The following ERCC6L2 variants were observed in gnomAD, a reference collection of about 807,000 sequenced individuals.
ERCC6L2 encodes ERCC excision repair 6 like 2.
Under a neutral mutation model 132.0 loss-of-function variants are expected in ERCC6L2, and 77 were observed. That is an observed-to-expected ratio of 0.58 (90% CI 0.49 to 0.71). The LOEUF (loss-of-function observed/expected upper bound fraction) is 0.71, where lower values mean the gene tolerates loss of function less well. ERCC6L2 is among the 30% of genes least tolerant of loss of function. The pLI is 0.00. For missense variants in ERCC6L2, 1,542 were observed against 1,837.6 expected, an observed-to-expected ratio of 0.84 and a Z score of 2.94; for synonymous variants, 583 against 632.4, an observed-to-expected ratio of 0.92 and a Z score of 1.17.
intron 3 of ERCC6L2, among the ~76,000 whole-genome samples, chr9:95,900,071 A>G (rs911558421): frequency 6.6e-6 from 1 of 152,012 alleles, no homozygotes; most frequent in African/African-American, 2.4e-5. Context: ...TTGTATTCTA[A>G]TAAATTACCT....
At chr9:95,899,126 T>G (rs1291483132) in intron 3 of ERCC6L2, among the ~76,000 whole-genome samples, 1 of 151,982 alleles carries the variant, frequency 6.6e-6, no homozygotes, top group African/African-American at 2.4e-5. Flanking sequence ...TTAAATATAT[T>G]AAAATACTTA....
chr9:95,961,152 C>CCTTCTTGA (rs1831881825), intron 13 of ERCC6L2, among the ~76,000 whole-genome samples: 1 of 152,174 alleles, frequency 6.6e-6, no homozygotes, highest in East Asian at 1.9e-4. Flanking sequence ...AAGTCCTAAC[C>CCTTCTTGA]CTTGGTACCT....
intron 17 of ERCC6L2, among the ~76,000 whole-genome samples, chr9:95,998,745 G>A (rs1013099937): frequency 1.4e-4 from 21 of 152,174 alleles, no homozygotes; most frequent in African/African-American, 5.1e-4. Context: ...CCCATGTCAA[G>A]CTTCTGACCT....
At chr9:95,905,030 C>T (rs1163383330) in intron 3 of ERCC6L2, 1 of 152,176 alleles carries the variant, frequency 6.6e-6, no homozygotes, top group Non-Finnish European at 1.5e-5. Flanking sequence ...ACTCTGAACA[C>T]ACCACATCTC....
At chr9:95,974,842 C>G (rs1218127024) in intron 16 of ERCC6L2, among the ~76,000 whole-genome samples, 1 of 151,698 alleles carries the variant, frequency 6.6e-6, no homozygotes, top group Non-Finnish European at 1.5e-5. Context: ...TAAAATACCT[C>G]GAGGTTATAC....
intron 17 of ERCC6L2, among the ~76,000 whole-genome samples, chr9:96,001,524 C>T (rs541901322): frequency 1.3e-5 from 2 of 152,316 alleles, no homozygotes; most frequent in South Asian, 2.1e-4. Flanking sequence ...TTGAGCTAAA[C>T]ACAGGGTGCT....
At chr9:95,959,057 C>G (rs1339677115) in intron 13 of ERCC6L2, among the ~76,000 whole-genome samples, 1 of 152,078 alleles carries the variant, frequency 6.6e-6, no homozygotes, top group Non-Finnish European at 1.5e-5. Context: ...CAAAAAAGAG[C>G]CTGCATCGCC....
At chr9:95,876,202 C>T in intron 1 of ERCC6L2, 118 bp downstream of exon 1, 3 of 939,146 alleles carry the variant, frequency 3.2e-6, no homozygotes, top group Non-Finnish European at 4.8e-6. Context: ...TCAGTGACAG[C>T]TGCAGATTGT....
intron 1 of ERCC6L2, among the ~76,000 whole-genome samples, chr9:95,878,851 G>A (rs2132502269): frequency 6.6e-6 from 1 of 151,394 alleles, no homozygotes; most frequent in South Asian, 2.1e-4. Flanking sequence ...ATTTTTTATG[G>A]CTGCATAGTA....
At chr9:95,939,864 G>T (rs767721143) in intron 11 of ERCC6L2, among the ~76,000 whole-genome samples, 5 of 152,056 alleles carry the variant, frequency 3.3e-5, no homozygotes, top group Admixed American at 6.5e-5. Context: ...GTATCATTGT[G>T]TCTTGGACAT....
intron 17 of ERCC6L2, among the ~76,000 whole-genome samples, chr9:96,003,023 T>A (rs529391516): frequency 3.7e-4 from 57 of 152,268 alleles, no homozygotes; most frequent in African/African-American, 1.3e-3. Flanking sequence ...ATTTTATCCT[T>A]CCAGTTTATC....
intron 8 of ERCC6L2, among the ~76,000 whole-genome samples, 159 bp from the exon 9 acceptor site, chr9:95,923,101 C>CT (rs1829947610): frequency 6.6e-6 from 1 of 152,114 alleles, no homozygotes; most frequent in Non-Finnish European, 1.5e-5. Context: ...TAACATATAA[C>CT]TTTAAGAGTT....
At position 95,972,376 on chromosome 9, in the gene ERCC6L2, T is replaced by C. The variant is rs1261206847; in HGVS notation, c.2625T>C (p.Ser875=). The change falls in exon 16 of 19, where the codon TCT becomes TCC. Residue 875 remains serine (S), a synonymous_variant. Transcript: ENST00000653738. ...AGAAGATTTTAGAACAGAATATTTC[T>C]TCCAAGTCTGACGAGAAAAAAATTA... The part of the protein sequence containing the change: ...KSEKILEQNI[S]SKSDEKKIKN... 3 of 1,280,032 alleles carry C rather than the reference T, an allele frequency of 2.3e-6. No homozygotes were observed. Among genetic ancestry groups the C allele is most frequent in the African/African-American group, 1.5e-5 (1 of 64,716 alleles). 79.3% of individuals were successfully genotyped at this position (1,280,032 alleles called of 1,614,324 possible). A position where few individuals can be genotyped will look rare whatever the true frequency, so the allele number is the denominator to read the frequency against.
At chr9:95,966,493 A>G in intron 13 of ERCC6L2, 69 bp from the exon 14 acceptor site, 3 of 1,345,592 alleles carry the variant, frequency 2.2e-6, no homozygotes, top group Non-Finnish European at 2.0e-6. Flanking sequence ...TATACAGGGA[A>G]TGCCAGGAAA....
At chr9:95,891,688 C>T (rs928926607) in intron 2 of ERCC6L2, among the ~76,000 whole-genome samples, 3 of 151,980 alleles carry the variant, frequency 2.0e-5, no homozygotes, top group African/African-American at 4.8e-5. Context: ...CCTATGCCTC[C>T]ACATCATTGC....
chr9:95,896,882 T>G (rs1316989999), intron 2 of ERCC6L2, among the ~76,000 whole-genome samples: 2 of 152,192 alleles, frequency 1.3e-5, no homozygotes, highest in Non-Finnish European at 2.9e-5. Flanking sequence ...ATCTTGAATC[T>G]GTGGCTTGAT....
intron 18 of ERCC6L2, among the ~76,000 whole-genome samples, chr9:96,007,893 TC>T (rs1377918451): frequency 6.6e-6 from 1 of 152,112 alleles, no homozygotes; most frequent in Admixed American, 6.5e-5. Flanking sequence ...TCAAAGTACT[TC>T]CTGCAGGGGT....
At chr9:95,934,082 A>AAAATGGCAATGC (rs1462057119) in intron 11 of ERCC6L2, among the ~76,000 whole-genome samples, 1 of 152,124 alleles carries the variant, frequency 6.6e-6, no homozygotes, top group East Asian at 1.9e-4. Flanking sequence ...CTGATGAGGG[A>AAAATGGCAATGC]AAATGGCAAT....
intron 2 of ERCC6L2, among the ~76,000 whole-genome samples, chr9:95,896,819 T>C (rs1261083025): frequency 6.6e-6 from 1 of 152,176 alleles, no homozygotes; most frequent in Non-Finnish European, 1.5e-5. Context: ...TGGTTTTTTG[T>C]TTGTTTTTGG....
Sources: gnomAD v4.1 joint callset for allele counts (sites outside exome capture counted in the v4.1 genomes callset) on GRCh38, gnomAD v4.1.1 for gene constraint, MANE v1.5 for transcripts, NCBI Gene and HGNC (gene_info 2026-07-23, HGNC 2026-07-21) for gene names.